Variants in CBLN2 observed in about 807,000 individuals in gnomAD.
CBLN2 encodes the protein cerebellin 2 precursor, also known as cerebellin-2.
Under a neutral mutation model 15.0 loss-of-function variants are expected in CBLN2, and 7 were observed. That is an observed-to-expected ratio of 0.47 (90% CI 0.27 to 0.88). The LOEUF (loss-of-function observed/expected upper bound fraction) is 0.88. Among genes scored for constraint, CBLN2 ranks in the 40% least tolerant of loss-of-function variants. The probability of loss-of-function intolerance (pLI) is 0.14; values close to 1 mark genes in which losing one functional copy is unlikely to be tolerated. For missense variants in CBLN2, 242 were observed against 304.5 expected (o/e 0.79, Z 1.53); for synonymous variants, 149 against 135.2 (o/e 1.10, Z -0.71).
chr18:72,564,667 G>C (rs1199018638), intron 1 of CBLN2, among the ~76,000 whole-genome samples: 3 of 152,132 alleles, frequency 2.0e-5, no homozygotes, highest in Non-Finnish European at 4.4e-5. Flanking sequence ...ACCATTATGT[G>C]AACAAATATT....
chr18:72,538,798 C>T lies in CBLN2; in HGVS notation c.358-26G>A, dbSNP rs767751690. ...CTGAAAAAGAAGAGGGAACACAGCA[C>T]ACAATGGCAAGCCCCTCCTCGGTGT... On this transcript the variant is annotated intron_variant, in intron 3 of 4. Coordinates refer to ENST00000269503, the MANE Select transcript of CBLN2 (RefSeq NM_182511.4). 6 of 1,610,560 alleles carry T rather than the reference C, an allele frequency of 3.7e-6. No individual in the cohort carries two copies. The African/African-American group carries it at 5.3e-5, about 14-fold the overall frequency.
intron 1 of CBLN2, among the ~76,000 whole-genome samples, chr18:72,582,954 T>C (rs570300581): frequency 6.6e-6 from 1 of 152,356 alleles, no homozygotes; most frequent in Admixed American, 6.5e-5. Context: ...TCAGCCTGCC[T>C]TCCCAGGCAG....
At chr18:72,538,527 G>C in intron 4 of CBLN2, 126 bp downstream of exon 4, 1 of 1,456,870 alleles carries the variant, frequency 6.9e-7, no homozygotes, top group South Asian at 1.2e-5. Context: ...CTAGTTCAGA[G>C]CCACATCACC....
chr18:72,631,079 G>A (rs1050555933), intron 1 of CBLN2: 1 of 152,126 alleles, frequency 6.6e-6, no homozygotes, highest in Admixed American at 6.6e-5. Context: ...TGCTGTGGAG[G>A]ACCTCAGCGA....
chr18:72,637,275 A>G (rs1012892480), intron 1 of CBLN2, among the ~76,000 whole-genome samples: 1 of 21,756 alleles, frequency 4.6e-5, no homozygotes, highest in African/African-American at 1.1e-4. Context: ...TGTGCCACAG[A>G]ACAAGCAAAA....
At chr18:72,538,888 T>C in intron 3 of CBLN2, 116 bp from the exon 4 acceptor site, 2 of 1,358,778 alleles carry the variant, frequency 1.5e-6, no homozygotes, top group Non-Finnish European at 2.0e-6. Context: ...GGAACACAAA[T>C]TCAGCATCCT....
intron 1 of CBLN2, among the ~76,000 whole-genome samples, chr18:72,568,436 A>T (rs1422704739): frequency 6.6e-6 from 1 of 152,162 alleles, no homozygotes; most frequent in Non-Finnish European, 1.5e-5. Context: ...CCAAATGACC[A>T]CGGCAGGCAT....
chr18:72,619,628 T>C (rs2144964950), intron 1 of CBLN2, among the ~76,000 whole-genome samples: 1 of 152,286 alleles, frequency 6.6e-6, no homozygotes, highest in East Asian at 1.9e-4. Flanking sequence ...CTTACCAGAG[T>C]AACCTTCTAT....
chr18:72,582,290 G>T (rs1599009698), intron 1 of CBLN2, among the ~76,000 whole-genome samples: 1 of 152,144 alleles, frequency 6.6e-6, no homozygotes, highest in African/African-American at 2.4e-5. Context: ...TAATTTGCAG[G>T]CAGAAGCCTT....
At chr18:72,624,832 A>G (rs908532251) in intron 1 of CBLN2, among the ~76,000 whole-genome samples, 2 of 152,162 alleles carry the variant, frequency 1.3e-5, no homozygotes, top group Non-Finnish European at 2.9e-5. Context: ...TACTTTACAT[A>G]CTATTTAAAT....
chr18:72,630,564 CAGAGAG>C (rs368831135), intron 1 of CBLN2, among the ~76,000 whole-genome samples: 120 of 135,576 alleles, frequency 8.9e-4, no homozygotes, highest in African/African-American at 3.3e-3. Flanking sequence ...CACACACATG[CAGAGAG>C]AGAGAGAGAG....
At chr18:72,573,823 C>T (rs1464628651) in intron 1 of CBLN2, among the ~76,000 whole-genome samples, 1 of 152,268 alleles carries the variant, frequency 6.6e-6, no homozygotes, top group African/African-American at 2.4e-5. Flanking sequence ...GTACAACTGT[C>T]GCATCTTACG....
intron 1 of CBLN2, among the ~76,000 whole-genome samples, chr18:72,616,080 A>T (rs911990771): frequency 1.3e-5 from 2 of 152,164 alleles, no homozygotes; most frequent in Non-Finnish European, 2.9e-5. Flanking sequence ...GATAATGTTG[A>T]ATTTTACCCG....
chr18:72,564,960 G>A (rs532470811), intron 1 of CBLN2, among the ~76,000 whole-genome samples: 37 of 152,294 alleles, frequency 2.4e-4, no homozygotes, highest in African/African-American at 7.9e-4. Flanking sequence ...AGATTTCTCA[G>A]CAGGAGCAGT....
chr18:72,538,589 G>A, intron 4 of CBLN2, 64 bp downstream of exon 4: 1 of 1,598,156 alleles, frequency 6.3e-7, no homozygotes, highest in Non-Finnish European at 8.6e-7. Flanking sequence ...CCAGGTGAAG[G>A]GGCCTTTAGC....
intron 1 of CBLN2, among the ~76,000 whole-genome samples, chr18:72,593,589 T>TTGA (rs2069494382): frequency 6.6e-6 from 1 of 152,190 alleles, no homozygotes; most frequent in African/African-American, 2.4e-5. Context: ...TTGTTCCAGA[T>TTGA]CTTAGAGGAC....
chr18:72,558,127 C>T (rs1237308956), intron 1 of CBLN2, among the ~76,000 whole-genome samples: 3 of 152,152 alleles, frequency 2.0e-5, no homozygotes, highest in Non-Finnish European at 4.4e-5. Context: ...TTAAAATCCT[C>T]CTAGAGAGGA....
intron 1 of CBLN2, among the ~76,000 whole-genome samples, chr18:72,558,479 C>T (rs1372374171): frequency 1.3e-5 from 2 of 152,200 alleles, no homozygotes; most frequent in African/African-American, 4.8e-5. Context: ...ACTGCAAACC[C>T]TTCTAGTGGA....
At chr18:72,608,360 T>C (rs1455332865) in intron 1 of CBLN2, among the ~76,000 whole-genome samples, 1 of 152,170 alleles carries the variant, frequency 6.6e-6, no homozygotes, top group Admixed American at 6.5e-5. Flanking sequence ...GTTCTTCCTT[T>C]GGGGCTCCCA....
Sources: gnomAD v4.1 joint callset for allele counts (sites outside exome capture counted in the v4.1 genomes callset) on GRCh38, gnomAD v4.1.1 for gene constraint, MANE v1.5 for transcripts, NCBI Gene and HGNC (gene_info 2026-07-23, HGNC 2026-07-21) for gene names.